The following RABL3 variants were observed in gnomAD, a reference collection of about 807,000 sequenced individuals.
RABL3 encodes the protein RAB, member of RAS oncogene family like 3.
Under a neutral mutation model 31.8 loss-of-function variants are expected in RABL3, and 31 were observed. The ratio of observed to expected loss-of-function variants is 0.97; its 90% confidence interval spans 0.73 to 1.31. The LOEUF (loss-of-function observed/expected upper bound fraction) is 1.31, where lower values mean the gene tolerates loss of function less well. Among genes scored for constraint, RABL3 ranks in the 40% most tolerant of loss-of-function variants. The pLI is 0.00. For missense variants in RABL3, 263 were observed against 279.6 expected, an observed-to-expected ratio of 0.94 and a Z score of 0.42; for synonymous variants, 97 against 99.9, an observed-to-expected ratio of 0.97 and a Z score of 0.18.
intron 4 of RABL3, among the ~76,000 whole-genome samples, chr3:120,699,304 C>T (rs563624029): frequency 3.9e-5 from 6 of 152,186 alleles, no homozygotes; most frequent in Admixed American, 1.3e-4. Flanking sequence ...AGATAGAGGA[C>T]GGGCAATAAG....
Position 120,694,195 on chromosome 3 carries a change from T to A in RABL3, c.564A>T (p.Ala188=). The A allele has an allele frequency of 6.2e-7, 1 of 1,611,588 alleles. No homozygotes were observed. The stretch of plus-strand genomic sequence containing the variant: ...TGAGCTTGACAGCATTGGAAGAACC[T>A]GCAGCTAAGTACCGTGGATTTGTGC... ...LDCTNPRYLA[A]GSSNAVKLSR... is the part of the protein sequence containing the mutation. Residue 188 remains alanine (A), a synonymous_variant, in exon 6 of 8, where the codon GCA becomes GCT. Transcript: ENST00000273375.
intron 2 of RABL3, among the ~76,000 whole-genome samples, chr3:120,725,766 G>C (rs1559821192): frequency 6.6e-6 from 1 of 152,100 alleles, no homozygotes; most frequent in Non-Finnish European, 1.5e-5. Context: ...ATGGACACAG[G>C]AAGGCGAACA....
chr3:120,689,813 T>C lies in RABL3; in HGVS notation c.*10A>G, dbSNP rs776064798. On this transcript the variant is annotated 3_prime_UTR_variant, in exon 8 of 8. Transcript: ENST00000273375. ...ACTGCTTGCTCACTCTTCCAAAGGA[T>C]GAGTGTAATTCAGTCATAATGAAGG... The C allele has an allele frequency of 8.2e-6, 13 of 1,588,978 alleles. No homozygotes were observed. The East Asian group carries it at 2.7e-4, about 33-fold the overall frequency.
chr3:120,693,838 G>A (rs1708406628), intron 6 of RABL3, among the ~76,000 whole-genome samples: 1 of 152,044 alleles, frequency 6.6e-6, no homozygotes, highest in South Asian at 2.1e-4. Flanking sequence ...GGGGGTGGGA[G>A]GGTGAATAAG....
intron 2 of RABL3, chr3:120,722,510 A>G (rs1708757848): frequency 6.6e-6 from 1 of 152,192 alleles, no homozygotes; most frequent in Non-Finnish European, 1.5e-5. Flanking sequence ...CCTATAACAG[A>G]AGAGCTAATC....
At chr3:120,715,409 G>A (rs145042884) in intron 2 of RABL3, among the ~76,000 whole-genome samples, 11 of 152,172 alleles carry the variant, frequency 7.2e-5, no homozygotes, top group East Asian at 1.9e-4. Flanking sequence ...ATGGTGGCAC[G>A]CACCTGTAAT....
chr3:120,711,004 C>A (rs1270086024), intron 2 of RABL3, among the ~76,000 whole-genome samples: 1 of 152,106 alleles, frequency 6.6e-6, no homozygotes, highest in Non-Finnish European at 1.5e-5. Flanking sequence ...CTCCAATGGT[C>A]AATTAACAGT....
intron 1 of RABL3, among the ~76,000 whole-genome samples, chr3:120,735,971 GTCAGTTTTGC>G (rs1372183209): frequency 3.9e-5 from 6 of 152,186 alleles, no homozygotes; most frequent in Non-Finnish European, 7.3e-5. Context: ...CAACTGTGTG[GTCAGTTTTGC>G]AATAAGTGTG....
intron 2 of RABL3, among the ~76,000 whole-genome samples, chr3:120,711,590 C>T (rs760518302): frequency 2.0e-5 from 3 of 152,120 alleles, no homozygotes; most frequent in Non-Finnish European, 2.9e-5. Flanking sequence ...TTCTCACTCA[C>T]AGTTATCTCC....
rs192422511 is a variant in RABL3 at position 120,719,130 on chromosome 3, C to T, written c.139-9221G>A. ...AAATGATTAACACATATTTAGAACA[C>T]TGCACCCAACAATTACAAAATATAC... On this transcript the variant is annotated intron_variant, in intron 2 of 7. Transcript: ENST00000273375. Among the ~76,000 whole-genome samples the T allele has an allele frequency of 2.6e-5, 4 of 152,314 alleles. No homozygotes were observed. In the East Asian group the frequency reaches 7.7e-4, roughly 29 times the overall value.
At chr3:120,701,797 A>G (rs1389286048) in intron 4 of RABL3, among the ~76,000 whole-genome samples, 2 of 152,224 alleles carry the variant, frequency 1.3e-5, no homozygotes, top group African/African-American at 2.4e-5. Flanking sequence ...CAATCAAAAG[A>G]TAGAAAATGG....
intron 2 of RABL3, among the ~76,000 whole-genome samples, chr3:120,723,516 T>C (rs901360445): frequency 2.0e-5 from 3 of 152,098 alleles, no homozygotes; most frequent in Admixed American, 2.0e-4. Context: ...TTTTGACCAA[T>C]ATCCCTGAGG....
At chr3:120,734,561 C>G (rs1285815817) in intron 1 of RABL3, among the ~76,000 whole-genome samples, 1 of 152,144 alleles carries the variant, frequency 6.6e-6, no homozygotes, top group Non-Finnish European at 1.5e-5. Context: ...ATTGCCCTGG[C>G]CAGAACTTCC....
chr3:120,735,536 C>T (rs61382739), intron 1 of RABL3, among the ~76,000 whole-genome samples: 9,618 of 151,912 alleles, frequency 0.063, 421 homozygotes, highest in East Asian at 0.19. Context: ...TTTTGTGTCT[C>T]TATGTCCTTC....
chr3:120,709,437 T>C (rs1479557682), intron 3 of RABL3, among the ~76,000 whole-genome samples: 3 of 152,062 alleles, frequency 2.0e-5, no homozygotes, highest in Non-Finnish European at 4.4e-5. Flanking sequence ...GGGACTCCTA[T>C]GGTCCTACTG....
In RABL3 at chr3:120,706,095, G is replaced by C. The variant is rs1349246998; in HGVS notation, c.288C>G (p.Asp96Glu). Residue 96 changes from aspartate to glutamate, a missense_variant, in exon 4 of 8, where the codon GAC becomes GAG. Transcript: ENST00000273375. ...TTTGGGAGGACTTCTTATTTGTTAA[G>C]TCGTGTACGAAAATAATACCTAAAA... Reference protein sequence around the residue: ...NSVNGIIFVHDLTNKKSSQNL... With the variant: ...NSVNGIIFVHELTNKKSSQNL... The C allele has an allele frequency of 6.2e-7, 1 of 1,609,870 alleles. No homozygotes were observed.
At chr3:120,706,610 G>T (rs928994006) in intron 3 of RABL3, among the ~76,000 whole-genome samples, 1 of 101,264 alleles carries the variant, frequency 9.9e-6, no homozygotes, top group Non-Finnish European at 2.8e-5. Context: ...GTACTGATTT[G>T]ATACAATTGC....
intron 1 of RABL3, among the ~76,000 whole-genome samples, chr3:120,735,083 C>T (rs1019041612): frequency 2.0e-5 from 3 of 152,232 alleles, no homozygotes; most frequent in Non-Finnish European, 4.4e-5. Flanking sequence ...AGGGTTCCCT[C>T]TTTTTCCGTT....
At chr3:120,712,078 C>T (rs562822096) in intron 2 of RABL3, among the ~76,000 whole-genome samples, 7 of 152,160 alleles carry the variant, frequency 4.6e-5, no homozygotes, top group African/African-American at 1.7e-4. Flanking sequence ...TCATAAAATG[C>T]ACTAAAACTC....
Sources: allele counts gnomAD v4.1 joint callset (sites outside exome capture counted in the v4.1 genomes callset), GRCh38; gene constraint gnomAD v4.1.1; transcripts MANE v1.5; gene names NCBI Gene and HGNC (gene_info 2026-07-23, HGNC 2026-07-21).